Variants in AGBL1 observed in about 807,000 individuals in gnomAD.
The protein encoded by AGBL1 is cytosolic carboxypeptidase 4.
Under a neutral mutation model 118.9 loss-of-function variants are expected in AGBL1, and 130 were observed. That is an observed-to-expected ratio of 1.09 (90% CI 0.95 to 1.26). The LOEUF (loss-of-function observed/expected upper bound fraction) is 1.26, where lower values mean the gene tolerates loss of function less well. AGBL1 is among the 50% of genes most tolerant of loss of function. The pLI is 0.00. For missense variants in AGBL1, 1,584 were observed against 1,298.1 expected (o/e 1.22, Z -3.38); for synonymous variants, 555 against 478.9 (o/e 1.16, Z -2.08).
intron 22 of AGBL1, among the ~76,000 whole-genome samples, chr15:86,862,026 T>A (rs1259243855): frequency 1.3e-5 from 2 of 152,202 alleles, no homozygotes; most frequent in African/African-American, 4.8e-5. Context: ...TCTTGCTCCC[T>A]GTTCCTTCTG....
rs370661886 is a variant in AGBL1, at chr15:86,662,101, T to C, written c.2995-12172T>C. Among the ~76,000 whole-genome samples the C allele has an allele frequency of 6.5e-3, 914 of 141,398 alleles. 9 individuals are homozygous for C. The highest frequency in any genetic ancestry group is 0.021 in the African/African-American group (863 of 41,086). The allele number at this position is 141,398 out of a possible 152,430, so 92.8% of individuals were successfully genotyped here. On this transcript the variant is annotated intron_variant, in intron 21 of 22. Transcript: ENST00000614907. Reference sequence around the variant, plus strand: ...ATCCATATCAAATGACCATGTAAAATTGGAGAAAAATAAAGATTTCAGCTG... The same window carrying C: ...ATCCATATCAAATGACCATGTAAAACTGGAGAAAAATAAAGATTTCAGCTG...
At chr15:86,096,895 T>A (rs1896410701) in intron 1 of AGBL1, among the ~76,000 whole-genome samples, 1 of 152,190 alleles carries the variant, frequency 6.6e-6, no homozygotes, top group South Asian at 2.1e-4. Flanking sequence ...CACCAGTTTC[T>A]TAATCAGATA....
At chr15:86,215,223 G>GTGTA (rs1491238136) in intron 5 of AGBL1, among the ~76,000 whole-genome samples, 13 of 63,378 alleles carry the variant, frequency 2.1e-4, no homozygotes, top group East Asian at 1.5e-3. Context: ...GTATATGTAT[G>GTGTA]CGTGTGTGTG....
chr15:86,257,242 C>T (rs758581078), intron 8 of AGBL1, among the ~76,000 whole-genome samples: 20 of 152,116 alleles, frequency 1.3e-4, no homozygotes, highest in Non-Finnish European at 2.4e-4. Flanking sequence ...TCATTATTAA[C>T]TGTTTCTGCT....
chr15:86,677,371 C>T (rs79718535), intron 22 of AGBL1, among the ~76,000 whole-genome samples: 10,196 of 152,202 alleles, frequency 0.067, 463 homozygotes, highest in South Asian at 0.087. Flanking sequence ...TGCATACTCA[C>T]GAAAGCATCT....
At chr15:86,752,486 T>A (rs569134222) in intron 22 of AGBL1, among the ~76,000 whole-genome samples, 1 of 152,220 alleles carries the variant, frequency 6.6e-6, no homozygotes, top group South Asian at 2.1e-4. Flanking sequence ...AGTCTAGTGA[T>A]GTGGTGATAG....
At chr15:86,991,747 GCGTATGGTTT>G (rs2141742742) in intron 24 of AGBL1, among the ~76,000 whole-genome samples, 1 of 152,244 alleles carries the variant, frequency 6.6e-6, no homozygotes, top group African/African-American at 2.4e-5. Flanking sequence ...CCGTAGCACT[GCGTATGGTTT>G]CCTCACACAT....
intron 5 of AGBL1, among the ~76,000 whole-genome samples, chr15:86,161,662 T>A (rs2077268438): frequency 6.6e-6 from 1 of 152,092 alleles, no homozygotes; most frequent in African/African-American, 2.4e-5. Flanking sequence ...GATAGAGGAG[T>A]CTTACTCCTC....
intron 5 of AGBL1, among the ~76,000 whole-genome samples, chr15:86,162,181 A>AG (rs2077275754): frequency 6.6e-6 from 1 of 152,252 alleles, no homozygotes; most frequent in Admixed American, 6.5e-5. Context: ...TGTGGGCTCA[A>AG]GGGGGGTCTT....
At chr15:86,093,175 G>A (rs962860520) in intron 1 of AGBL1, among the ~76,000 whole-genome samples, 1 of 152,110 alleles carries the variant, frequency 6.6e-6, no homozygotes, top group Non-Finnish European at 1.5e-5. Context: ...AGAAGTTAAA[G>A]TGAACCACAC....
intron 22 of AGBL1, among the ~76,000 whole-genome samples, chr15:86,709,069 A>G (rs1037572845): frequency 5.9e-5 from 9 of 152,140 alleles, no homozygotes; most frequent in African/African-American, 2.2e-4. Flanking sequence ...AATTCACTTC[A>G]CTACGTCAAG....
intron 22 of AGBL1, among the ~76,000 whole-genome samples, chr15:86,824,203 C>T (rs1452110539): frequency 6.6e-6 from 1 of 151,954 alleles, no homozygotes; most frequent in Non-Finnish European, 1.5e-5. Flanking sequence ...ACCCAATACC[C>T]CCCAAAAACT....
chr15:86,606,363 A>G (rs534589528), intron 21 of AGBL1, among the ~76,000 whole-genome samples: 1 of 152,232 alleles, frequency 6.6e-6, no homozygotes, highest in Admixed American at 6.5e-5. Context: ...TTTCTGCGTG[A>G]GATTAGTTTT....
At chr15:86,594,917 T>C (rs569472665) in intron 21 of AGBL1, among the ~76,000 whole-genome samples, 3 of 152,326 alleles carry the variant, frequency 2.0e-5, no homozygotes, top group East Asian at 3.9e-4. Flanking sequence ...ACCTCACTAA[T>C]TGTCTCCACT....
chr15:86,645,544 G>A (rs1275547046), intron 21 of AGBL1, among the ~76,000 whole-genome samples: 2 of 152,338 alleles, frequency 1.3e-5, no homozygotes, highest in East Asian at 3.9e-4. Flanking sequence ...GTGTGGCCCT[G>A]ATGACTCTGT....
chr15:86,602,611 A>G (rs2346733), intron 21 of AGBL1, among the ~76,000 whole-genome samples: 74,500 of 151,926 alleles, frequency 0.49, 18,336 homozygotes, highest in Middle Eastern at 0.53. Flanking sequence ...CCAGCTAGTG[A>G]GGAATACATG....
chr15:86,304,214 C>G (rs930884491), intron 17 of AGBL1, among the ~76,000 whole-genome samples: 1 of 152,090 alleles, frequency 6.6e-6, no homozygotes, highest in Admixed American at 6.5e-5. Context: ...CTCTCCCACC[C>G]GTATCTAAAA....
At chr15:86,846,192 C>T (rs1313067144) in intron 22 of AGBL1, among the ~76,000 whole-genome samples, 2 of 152,154 alleles carry the variant, frequency 1.3e-5, no homozygotes, top group African/African-American at 4.8e-5. Flanking sequence ...TCCTGTATGA[C>T]ATCTCAGCTA....
intron 21 of AGBL1, among the ~76,000 whole-genome samples, chr15:86,622,109 C>T (rs2084815271): frequency 6.6e-6 from 1 of 152,118 alleles, no homozygotes; most frequent in African/African-American, 2.4e-5. Context: ...GGGCTGATCA[C>T]CTGAGGTCAG....
Sources: gnomAD v4.1 joint callset for allele counts (sites outside exome capture counted in the v4.1 genomes callset) on GRCh38, gnomAD v4.1.1 for gene constraint, MANE v1.5 for transcripts, NCBI Gene and HGNC (gene_info 2026-07-23, HGNC 2026-07-21) for gene names.